The following CTNNA2 variants were observed in gnomAD, a reference collection of about 807,000 sequenced individuals.
The protein encoded by CTNNA2 is catenin alpha-2.
In CTNNA2, 42 loss-of-function variants were observed where a neutral mutation model predicts 101.0. The ratio of observed to expected loss-of-function variants is 0.42; its 90% CI spans 0.32 to 0.54. CTNNA2 has a LOEUF of 0.54. Ranked by LOEUF, CTNNA2 falls within the 20% of genes least tolerant of loss-of-function variation. CTNNA2 has a pLI of 0.14. For synonymous variants in CTNNA2, 450 were observed against 456.4 expected (o/e 0.99, Z 0.18); for missense variants, 871 against 1,223.1 (o/e 0.71, Z 4.29).
At chr2:79,603,281 G>T (rs946791487) in intron 1 of CTNNA2, among the ~76,000 whole-genome samples, 4 of 152,092 alleles carry the variant, frequency 2.6e-5, no homozygotes, top group Non-Finnish European at 5.9e-5. Context: ...AATTTAAAAA[G>T]TGTAACATTT....
rs201150220 is a variant in CTNNA2 at position 79,376,451 on chromosome 2, G to T, written c.-135+2438G>T. Among the ~76,000 whole-genome samples the T allele has an allele frequency of 2.1e-4, 32 of 148,964 alleles. No homozygotes were observed. In the South Asian group the frequency reaches 4.2e-3, roughly 20 times the overall value. ...AGCCAAAATAGCCCCTTGTTGGTTG[G>T]TTTTGTTTTTGTTTTTGTTTTTTTG... On this transcript the variant is annotated intron_variant, in intron 4 of 21. Transcript: ENST00000466387.
At chr2:80,201,950 A>G (rs1558898169) in intron 7 of CTNNA2, among the ~76,000 whole-genome samples, 1 of 152,076 alleles carries the variant, frequency 6.6e-6, no homozygotes, top group Non-Finnish European at 1.5e-5. Context: ...GGCCTAATTT[A>G]TCCCTATTAT....
Position 80,160,393 on chromosome 2 carries a change from T to C in CTNNA2, c.1057-232818T>C, listed in dbSNP as rs143242259. 5.9e-3 allele frequency among the ~76,000 whole-genome samples: 902 copies of C among 152,324 alleles called. 12 individuals are homozygous for C. The highest frequency in any genetic ancestry group is 0.021 in the African/African-American group (862 of 41,580). The stretch of plus-strand genomic sequence containing the variant: ...AACCTGTATATCAATTTGGGTAGAA[T>C]TGATGTCTTTATTACCTTGAATCTT... On this transcript the variant is annotated intron_variant, in intron 7 of 18. Transcript: ENST00000402739.
At chr2:79,855,282 G>A (rs1041377981) in intron 3 of CTNNA2, among the ~76,000 whole-genome samples, 1 of 151,910 alleles carries the variant, frequency 6.6e-6, no homozygotes, top group Non-Finnish European at 1.5e-5. Context: ...CCACTCTTGG[G>A]GTGCCTGCCG....
At chr2:79,206,898 C>A (rs1674106918) in intron 2 of CTNNA2, among the ~76,000 whole-genome samples, 1 of 152,186 alleles carries the variant, frequency 6.6e-6, no homozygotes, top group Non-Finnish European at 1.5e-5. Flanking sequence ...CTAATCCCTG[C>A]ATCTTTCAGC....
intron 2 of CTNNA2, among the ~76,000 whole-genome samples, chr2:79,656,948 C>T (rs1681652348): frequency 6.6e-6 from 1 of 151,516 alleles, no homozygotes; most frequent in Non-Finnish European, 1.5e-5. Flanking sequence ...CCCTTCCTAA[C>T]AAAATAGGCA....
At chr2:80,286,370 T>G (rs1388899755) in intron 7 of CTNNA2, among the ~76,000 whole-genome samples, 1 of 152,168 alleles carries the variant, frequency 6.6e-6, no homozygotes, top group Non-Finnish European at 1.5e-5. Context: ...CTCTGTTCTT[T>G]GTATGATGAG....
intron 2 of CTNNA2, among the ~76,000 whole-genome samples, chr2:79,675,984 A>G (rs1683160187): frequency 6.6e-6 from 1 of 152,128 alleles, no homozygotes; most frequent in African/African-American, 2.4e-5. Context: ...GTGTCAAGGT[A>G]TTGGATCAGC....
chr2:79,602,747 A>T (rs1677628021), intron 1 of CTNNA2, among the ~76,000 whole-genome samples: 1 of 152,198 alleles, frequency 6.6e-6, no homozygotes, highest in South Asian at 2.1e-4. Context: ...GAATAGAGCT[A>T]GCAAAAGTTT....
chr2:80,093,423 G>C (rs563002256), intron 7 of CTNNA2, among the ~76,000 whole-genome samples: 2 of 152,278 alleles, frequency 1.3e-5, no homozygotes, highest in East Asian at 3.9e-4. Flanking sequence ...ATTTGGGTTG[G>C]TTCCAAGTCT....
chr2:79,494,277 ATTTT>A (rs35039244), intron 4 of CTNNA2, among the ~76,000 whole-genome samples: 2,183 of 147,218 alleles, frequency 0.015, 87 homozygotes, highest in East Asian at 0.13. Context: ...CAGCTGCCCT[ATTTT>A]TTTTTTTTTT....
chr2:80,269,224 A>G (rs1253751914), intron 7 of CTNNA2, among the ~76,000 whole-genome samples: 1 of 152,146 alleles, frequency 6.6e-6, no homozygotes, highest in Non-Finnish European at 1.5e-5. Context: ...TGTGGGAGGT[A>G]ATTGCATCAC....
intron 7 of CTNNA2, among the ~76,000 whole-genome samples, chr2:80,161,460 TAATAC>T (rs1288142545): frequency 2.0e-5 from 3 of 152,180 alleles, no homozygotes; most frequent in African/African-American, 7.2e-5. Context: ...AACAGTATCT[TAATAC>T]ATTACAAGTT....
chr2:79,464,613 G>C (rs1267206838), intron 4 of CTNNA2, among the ~76,000 whole-genome samples: 3 of 152,112 alleles, frequency 2.0e-5, no homozygotes, highest in East Asian at 3.9e-4. Flanking sequence ...GTGTAAAAGT[G>C]TTCCTATTTC....
chr2:80,149,429 A>G (rs998416136), intron 7 of CTNNA2, among the ~76,000 whole-genome samples: 2 of 152,174 alleles, frequency 1.3e-5, no homozygotes, highest in Non-Finnish European at 2.9e-5. Context: ...GTACATACAC[A>G]TGCGCACACA....
intron 7 of CTNNA2, among the ~76,000 whole-genome samples, chr2:79,956,020 C>T (rs576749482): frequency 2.8e-4 from 42 of 152,342 alleles, no homozygotes; most frequent in Non-Finnish European, 5.3e-4. Context: ...GTGTGCAATT[C>T]CTGTTTATGC....
intron 9 of CTNNA2, among the ~76,000 whole-genome samples, chr2:80,541,742 G>T (rs1223110677): frequency 6.6e-6 from 1 of 151,508 alleles, no homozygotes; most frequent in Non-Finnish European, 1.5e-5. Context: ...TGCTCAGGTA[G>T]GTACCCTCTA....
chr2:79,491,720 T>C (rs1020361086), intron 4 of CTNNA2, among the ~76,000 whole-genome samples: 5 of 152,028 alleles, frequency 3.3e-5, no homozygotes, highest in Non-Finnish European at 1.5e-5. Flanking sequence ...AAAGAGAGAT[T>C]TGGGAAGCTG....
intron 7 of CTNNA2, among the ~76,000 whole-genome samples, chr2:80,121,002 T>A (rs1701801824): frequency 6.6e-6 from 1 of 152,206 alleles, no homozygotes; most frequent in African/African-American, 2.4e-5. Context: ...AATGAAGGCA[T>A]CTACTCTCTG....
Sources: gnomAD v4.1 joint callset for allele counts (sites outside exome capture counted in the v4.1 genomes callset) on GRCh38, gnomAD v4.1.1 for gene constraint, MANE v1.5 for transcripts, NCBI Gene and HGNC (gene_info 2026-07-23, HGNC 2026-07-21) for gene names.